Variants in CLIP4 observed in about 807,000 individuals in gnomAD.
The protein encoded by CLIP4 is CAP-Gly domain containing linker protein family member 4.
A neutral mutation model predicts 73.1 loss-of-function variants in CLIP4; 47 were observed. That is an observed-to-expected ratio of 0.64 (90% CI 0.51 to 0.82). The LOEUF (loss-of-function observed/expected upper bound fraction) is 0.82. Among genes scored for constraint, CLIP4 ranks in the 40% least tolerant of loss-of-function variants. The pLI is 0.00. For synonymous variants in CLIP4, 306 were observed against 295.4 expected, an observed-to-expected ratio of 1.04 and a Z score of -0.37; for missense variants, 874 against 852.9, an observed-to-expected ratio of 1.02 and a Z score of -0.31.
chr2:29,103,440 A>G (rs1168304779), intron 1 of CLIP4, among the ~76,000 whole-genome samples: 1 of 151,764 alleles, frequency 6.6e-6, no homozygotes, highest in Non-Finnish European at 1.5e-5. Flanking sequence ...TTAATTATAT[A>G]TATAATTTTA....
chr2:29,130,812 C>T, intron 2 of CLIP4: 2 of 1,288,560 alleles, frequency 1.6e-6, no homozygotes, highest in Non-Finnish European at 2.0e-6. Context: ...TATATAAATG[C>T]AAAGAAGAAA....
At chr2:29,129,893 A>G (rs947317040) in intron 2 of CLIP4, 6 of 427,564 alleles carry the variant, frequency 1.4e-5, no homozygotes, top group Non-Finnish European at 2.5e-5. Flanking sequence ...AGTTCACAAG[A>G]TTCTGATCCA....
intron 12 of CLIP4, among the ~76,000 whole-genome samples, chr2:29,162,614 A>C (rs573877583): frequency 1.3e-5 from 2 of 152,332 alleles, no homozygotes; most frequent in East Asian, 3.9e-4. Flanking sequence ...ATTATATAGG[A>C]AAGCATAAAA....
chr2:29,107,651 G>A (rs536509659), intron 1 of CLIP4, among the ~76,000 whole-genome samples: 1 of 151,612 alleles, frequency 6.6e-6, no homozygotes, highest in Admixed American at 6.6e-5. Context: ...TGGGATTATA[G>A]GCATGAGCCA....
In CLIP4 at chr2:29,183,025, T is replaced by C. The variant is rs559464389; in HGVS notation, c.*1132T>C. On this transcript the variant is annotated 3_prime_UTR_variant, in exon 16 of 16. Transcript: ENST00000320081. ...CTAATTGTTGCAGAGTTCTGCCTGTTACAAAGCTACAGAACTGTATTGTTT... is the reference window on the plus strand; with the variant it reads ...CTAATTGTTGCAGAGTTCTGCCTGTCACAAAGCTACAGAACTGTATTGTTT... 6.6e-6 allele frequency: 1 copy of C among 152,562 alleles called. No homozygotes were observed. Among genetic ancestry groups the C allele is most frequent in the Admixed American group, 6.5e-5 (1 of 15,312 alleles). 9.5% of individuals were successfully genotyped at this position (152,562 alleles called of 1,614,324 possible).
At chr2:29,161,440 G>C (rs1029256668) in intron 12 of CLIP4, among the ~76,000 whole-genome samples, 11 of 151,994 alleles carry the variant, frequency 7.2e-5, no homozygotes, top group African/African-American at 2.4e-4. Flanking sequence ...AAAAAAGTTT[G>C]TAGCATTTAG....
intron 9 of CLIP4, among the ~76,000 whole-genome samples, chr2:29,154,194 C>A (rs1666768077): frequency 6.6e-6 from 1 of 152,110 alleles, no homozygotes; most frequent in Non-Finnish European, 1.5e-5. Context: ...AAGTAGCATC[C>A]TTTTAACCTG....
chr2:29,108,317 T>C (rs897646530), intron 1 of CLIP4, among the ~76,000 whole-genome samples: 4 of 152,192 alleles, frequency 2.6e-5, no homozygotes, highest in Non-Finnish European at 5.9e-5. Flanking sequence ...ACACAAGCAC[T>C]GGATGGCCTG....
At chr2:29,144,635 C>CA (rs771248017) in intron 7 of CLIP4, among the ~76,000 whole-genome samples, 8 of 151,850 alleles carry the variant, frequency 5.3e-5, no homozygotes, top group Non-Finnish European at 1.2e-4. Context: ...TTGCTGCACC[C>CA]ATCAACCCGT....
chr2:29,175,978 G>T (rs373969493), intron 15 of CLIP4, among the ~76,000 whole-genome samples: 1 of 152,164 alleles, frequency 6.6e-6, no homozygotes, highest in South Asian at 2.1e-4. Context: ...AGCCAGGATG[G>T]TCTCGATCTC....
chr2:29,128,081 GATCAAATAAGCCTAGTTAGTTTCACAT>G (rs1286296164), intron 2 of CLIP4, among the ~76,000 whole-genome samples: 1 of 151,800 alleles, frequency 6.6e-6, no homozygotes, highest in Non-Finnish European at 1.5e-5. Context: ...CAGTGTAATA[GATCAAATAAGCCTAGTTAGTTTCACAT>G]ATCAAATAAG....
intron 1 of CLIP4, among the ~76,000 whole-genome samples, chr2:29,099,961 ATTGTG>A (rs1346751726): frequency 6.6e-6 from 1 of 152,156 alleles, no homozygotes; most frequent in East Asian, 1.9e-4. Context: ...TGTAAATGGT[ATTGTG>A]TTTTAAATTT....
chr2:29,169,329 C>CTGTGTGTGTG (rs70958249), intron 14 of CLIP4, among the ~76,000 whole-genome samples: 3 of 140,322 alleles, frequency 2.1e-5, no homozygotes, highest in South Asian at 2.3e-4. Context: ...GTCTTTTTCA[C>CTGTGTGTGTG]TGTGTGTGTG....
At chr2:29,107,355 ATAGTTTTTTTTT>A (rs1668238775) in intron 1 of CLIP4, among the ~76,000 whole-genome samples, 1 of 84,072 alleles carries the variant, frequency 1.2e-5, no homozygotes, top group African/African-American at 4.2e-5. Flanking sequence ...CTGGAACATG[ATAGTTTTTTTTT>A]TTTTTTTTTT....
chr2:29,176,715 C>A (rs1324251259), intron 15 of CLIP4, among the ~76,000 whole-genome samples: 1 of 152,190 alleles, frequency 6.6e-6, no homozygotes, highest in Non-Finnish European at 1.5e-5. Context: ...ATGTGTACAT[C>A]CCGCCTGGGA....
chr2:29,147,034 A>C (rs1666217859), intron 8 of CLIP4, among the ~76,000 whole-genome samples: 1 of 152,192 alleles, frequency 6.6e-6, no homozygotes, highest in South Asian at 2.1e-4. Context: ...TAAGATTTGA[A>C]AACAAGAGGA....
At chr2:29,160,554 A>G in intron 12 of CLIP4, 87 bp downstream of exon 12, 1 of 1,467,668 alleles carries the variant, frequency 6.8e-7, no homozygotes, top group Non-Finnish European at 9.3e-7. Context: ...TTAATTGTAG[A>G]GAAATCTTGA....
intron 14 of CLIP4, 128 bp from the exon 15 acceptor site, chr2:29,174,245 C>A (rs1668189911): frequency 1.2e-6 from 1 of 828,648 alleles, no homozygotes; most frequent in Admixed American, 2.5e-5. Flanking sequence ...AGCCACCATG[C>A]CAGCCTGCTG....
upstream of CLIP4, among the ~76,000 whole-genome samples, chr2:29,113,018 C>T (rs1321577878): frequency 6.6e-6 from 1 of 152,194 alleles, no homozygotes; most frequent in Non-Finnish European, 1.5e-5. The surrounding 1 kb of genome is among the most constrained non-coding windows in gnomAD (Gnocchi z 4.0). Flanking sequence ...TCTTTAATGC[C>T]CCCAAAGACA....
Sources: allele counts gnomAD v4.1 joint callset (sites outside exome capture counted in the v4.1 genomes callset), GRCh38; gene constraint gnomAD v4.1.1; non-coding constraint Gnocchi (gnomAD v3.1); transcripts MANE v1.5; gene names NCBI Gene and HGNC (gene_info 2026-07-23, HGNC 2026-07-21).